GSDME: variants seen among roughly 807,000 people sequenced by gnomAD.
The protein encoded by GSDME is gasdermin E, also known as gasdermin-E.
Under a neutral mutation model 47.5 loss-of-function variants are expected in GSDME, and 44 were observed. The observed-to-expected ratio is 0.93, with a 90% CI of 0.73 to 1.19. The LOEUF is 1.19. Among genes scored for constraint, GSDME ranks in the 50% most tolerant of loss-of-function variants. GSDME has a pLI of 0.00. For missense variants in GSDME, 663 were observed against 604.2 expected (o/e 1.10, Z -1.02); for synonymous variants, 258 against 252.8 (o/e 1.02, Z -0.20).
chr7:24,793,629 T>C, the GSDME span, among the ~76,000 whole-genome samples: 1 of 152,190 alleles, frequency 6.6e-6, no homozygotes, highest in Non-Finnish European at 1.5e-5. Context: ...CACACATTTT[T>C]TTTCTTGTTT....
intron 5 of GSDME, among the ~76,000 whole-genome samples, chr7:24,711,783 C>T (rs1331583638): frequency 1.4e-5 from 2 of 145,870 alleles, no homozygotes; most frequent in Non-Finnish European, 3.0e-5. Context: ...CCACTGCACT[C>T]CAGCCTGGGC....
intron 9 of GSDME, among the ~76,000 whole-genome samples, chr7:24,701,586 TC>T (rs1215150083): frequency 6.6e-6 from 1 of 152,246 alleles, no homozygotes; most frequent in Non-Finnish European, 1.5e-5. Flanking sequence ...TGCTGAGCAC[TC>T]AGTTGCTGCA....
chr7:24,790,615 C>T, the GSDME span, among the ~76,000 whole-genome samples: 11 of 152,140 alleles, frequency 7.2e-5, no homozygotes, highest in South Asian at 2.1e-4. The surrounding 1 kb of genome is among the most constrained non-coding windows in gnomAD (Gnocchi z 4.1). Context: ...TGGGTCCACA[C>T]GGTTTGCAAC....
At chr7:24,789,738 C>T in the GSDME span, among the ~76,000 whole-genome samples, 3 of 152,314 alleles carry the variant, frequency 2.0e-5, no homozygotes, top group East Asian at 3.9e-4. Flanking sequence ...GGAGTGGTCG[C>T]CTCCCTTATT....
Position 24,749,627 on chromosome 7 carries a change from T to TG in GSDME, c.147dup (p.Lys50GlnfsTer104), listed in dbSNP as rs1234356082. ...AGGGTGAGGGATAAAAACTGGTACT[T>TG]GGGTCTCTGCCAGCACCAGAATCTC... On this transcript the variant is annotated frameshift_variant, in exon 2 of 10. Coordinates refer to ENST00000645220, the MANE Select transcript of GSDME (RefSeq NM_001127453.2). LOFTEE classifies it high-confidence loss of function. 3 of 1,614,086 alleles carry TG rather than the reference T, an allele frequency of 1.9e-6. No homozygotes were observed. The highest frequency in any genetic ancestry group is 2.5e-6 in the Non-Finnish European group (3 of 1,180,028).
At chr7:24,755,404 T>TA (rs1259604431) in intron 1 of GSDME, among the ~76,000 whole-genome samples, 2 of 152,200 alleles carry the variant, frequency 1.3e-5, no homozygotes, top group Non-Finnish European at 2.9e-5. Context: ...TGACGAGATT[T>TA]ACGAGGATAC....
At chr7:24,708,048 A>G in intron 7 of GSDME, 79 bp downstream of exon 7, 1 of 1,574,556 alleles carries the variant, frequency 6.4e-7, no homozygotes, top group South Asian at 1.1e-5. Flanking sequence ...GGGAACCTTT[A>G]ACACAATTCC....
At chr7:24,758,998 T>C (rs147572078), upstream of GSDME, among the ~76,000 whole-genome samples, 1,589 of 152,302 alleles carry the variant, frequency 0.01, 19 homozygotes, top group Middle Eastern at 0.027. This position sits in a 1 kb window ranked among gnomAD's most constrained non-coding sequence, Gnocchi z 4.6. Flanking sequence ...TGTGGGGCAG[T>C]ACACATCCTT....
chr7:24,723,285 C>G (rs192129191), intron 3 of GSDME, among the ~76,000 whole-genome samples: 1 of 152,130 alleles, frequency 6.6e-6, no homozygotes, highest in African/African-American at 2.4e-5. Context: ...CCCATCTCCT[C>G]CCTCAGTCAA....
Position 24,716,977 on chromosome 7 carries a change from A to G in GSDME, c.697+277T>C, listed in dbSNP as rs1789581456. On this transcript the variant is annotated intron_variant, in intron 5 of 9. Transcript: ENST00000645220. This position sits in a 1 kb window ranked among gnomAD's most constrained non-coding sequence, Gnocchi z 4.5. ...CAGAGCCCAGGTTGATGCCCAGAGG[A>G]CACAGCCCAGCCCTCTACTGTGCTG... The G allele has an allele frequency of 4.3e-6, 2 of 468,324 alleles. No homozygotes were observed. The highest frequency in any genetic ancestry group is 3.1e-4 in the Middle Eastern group (1 of 3,256). 29.0% of individuals were successfully genotyped at this position (468,324 alleles called of 1,614,324 possible). A position where few individuals can be genotyped will look rare whatever the true frequency, so the allele number is the denominator to read the frequency against.
rs1463762616 is a variant in GSDME, at chr7:24,732,223, G to A, written c.404+12339C>T. On this transcript the variant is annotated intron_variant, in intron 3 of 9. Transcript: ENST00000645220. The surrounding 1 kb of genome is among the most constrained non-coding windows in gnomAD (Gnocchi z 4.8). ...TGCTGAGTAAAGCACAAAGACAAAT[G>A]GGATGATTTTCAAACCCTCTGGTAG... 6.6e-6 allele frequency among the ~76,000 whole-genome samples: 1 copy of A among 152,204 alleles called. No individual in the cohort carries two copies. The highest frequency in any genetic ancestry group is 1.5e-5 in the Non-Finnish European group (1 of 68,028).
intron 9 of GSDME, among the ~76,000 whole-genome samples, chr7:24,700,899 T>A (rs1788838677): frequency 6.6e-6 from 1 of 152,186 alleles, no homozygotes; most frequent in Non-Finnish European, 1.5e-5. Context: ...TCGGCTTTCT[T>A]TTCTAAATAT....
the GSDME span, among the ~76,000 whole-genome samples, chr7:24,772,058 G>C: frequency 6.6e-6 from 1 of 152,184 alleles, no homozygotes; most frequent in Admixed American, 6.5e-5. The surrounding 1 kb of genome is among the most constrained non-coding windows in gnomAD (Gnocchi z 4.5). Context: ...CGAGCTTTGG[G>C]TATCCCACGC....
At chr7:24,785,670 T>G in the GSDME span, among the ~76,000 whole-genome samples, 1 of 152,220 alleles carries the variant, frequency 6.6e-6, no homozygotes, top group Non-Finnish European at 1.5e-5. Context: ...TTGGCCAGGA[T>G]GGTCTCGATC....
chr7:24,775,694 G>A, the GSDME span, among the ~76,000 whole-genome samples: 1 of 151,908 alleles, frequency 6.6e-6, no homozygotes, highest in Non-Finnish European at 1.5e-5. Flanking sequence ...GGCCAACATG[G>A]TGAAACCCCG....
intron 6 of GSDME, 46 bp downstream of exon 6, chr7:24,710,178 T>C (rs1490902270): frequency 6.3e-7 from 1 of 1,597,528 alleles, no homozygotes; most frequent in African/African-American, 1.3e-5. Flanking sequence ...GATACAGGGC[T>C]CAGTTGGCCC....
chr7:24,769,286 G>A, the GSDME span, among the ~76,000 whole-genome samples: 1 of 152,166 alleles, frequency 6.6e-6, no homozygotes, highest in Non-Finnish European at 1.5e-5. Context: ...GCTCAGGGTG[G>A]ACAAGTCTGA....
At chr7:24,717,577 G>A (rs1789617096) in intron 4 of GSDME, among the ~76,000 whole-genome samples, 2 of 152,122 alleles carry the variant, frequency 1.3e-5, no homozygotes, top group African/African-American at 2.4e-5. Context: ...CCAAGTAAAC[G>A]GCCAACCTGG....
intron 3 of GSDME, among the ~76,000 whole-genome samples, chr7:24,722,776 C>A (rs1014790699): frequency 6.6e-6 from 1 of 152,234 alleles, no homozygotes; most frequent in African/African-American, 2.4e-5. Flanking sequence ...CCAGAACCCC[C>A]ACCTCAAACA....
Sources: allele counts gnomAD v4.1 joint callset (sites outside exome capture counted in the v4.1 genomes callset), GRCh38; gene constraint gnomAD v4.1.1; non-coding constraint Gnocchi (gnomAD v3.1); transcripts MANE v1.5; gene names NCBI Gene and HGNC (gene_info 2026-07-23, HGNC 2026-07-21).